Variants in COL23A1 observed in about 807,000 individuals in gnomAD.
The protein encoded by COL23A1 is collagen alpha-1(XXIII) chain.
COL23A1 carries 97 observed loss-of-function variants against 99.3 expected under a neutral mutation model. The observed-to-expected ratio is 0.98, with a 90% CI of 0.83 to 1.16. The LOEUF is 1.16. COL23A1 is among the 50% of genes most tolerant of loss of function. COL23A1 has a pLI of 0.00. For missense variants in COL23A1, 762 were observed against 757.4 expected, an observed-to-expected ratio of 1.01 and a Z score of -0.07; for synonymous variants, 320 against 308.2, an observed-to-expected ratio of 1.04 and a Z score of -0.40.
chr5:178,356,597 A>C (rs953998247), intron 2 of COL23A1, among the ~76,000 whole-genome samples: 1 of 150,940 alleles, frequency 6.6e-6, no homozygotes, highest in African/African-American at 2.4e-5. Flanking sequence ...GCAAAGGGTT[A>C]AGGGAGAGAA....
intron 2 of COL23A1, among the ~76,000 whole-genome samples, chr5:178,383,833 G>A (rs1337217271): frequency 5.3e-5 from 8 of 151,322 alleles, no homozygotes; most frequent in East Asian, 1.9e-4. Context: ...TCACCTCCCC[G>A]TGGCCTCACG....
intron 2 of COL23A1, among the ~76,000 whole-genome samples, chr5:178,382,422 CCCT>C (rs35412754): frequency 0.1 from 15,798 of 152,150 alleles, 935 homozygotes; most frequent in South Asian, 0.21. Context: ...CGCCCCTTCG[CCCT>C]CCTCCTCCTC....
chr5:178,572,054 C>T (rs262068), intron 1 of COL23A1, among the ~76,000 whole-genome samples: 1,907 of 105,256 alleles, frequency 0.018, 62 homozygotes, highest in African/African-American at 0.087. Context: ...GGTGACAGAG[C>T]GAGACTCTTT....
chr5:178,279,848 C>A (rs1353244737), intron 5 of COL23A1, among the ~76,000 whole-genome samples: 1 of 152,216 alleles, frequency 6.6e-6, no homozygotes, highest in Non-Finnish European at 1.5e-5. Context: ...TGCCCCTGAC[C>A]CCCACCAGGC....
At chr5:178,517,115 C>T (rs774480649) in intron 2 of COL23A1, among the ~76,000 whole-genome samples, 23 of 152,176 alleles carry the variant, frequency 1.5e-4, no homozygotes, top group Non-Finnish European at 3.1e-4. Context: ...AAGAAACAGA[C>T]AGAAGTGCCC....
At chr5:178,420,523 C>G (rs568167373) in intron 2 of COL23A1, among the ~76,000 whole-genome samples, 7 of 83,168 alleles carry the variant, frequency 8.4e-5, no homozygotes, top group Non-Finnish European at 1.8e-4. Flanking sequence ...CCTCTCCTCC[C>G]CCTCCTCACT....
At chr5:178,254,288 C>T (rs529623479) in intron 16 of COL23A1, among the ~76,000 whole-genome samples, 16 of 152,302 alleles carry the variant, frequency 1.1e-4, no homozygotes, top group African/African-American at 3.1e-4. Flanking sequence ...CACCACGCCA[C>T]GCCACGCCAC....
At chr5:178,447,096 T>C (rs1767201074) in intron 2 of COL23A1, among the ~76,000 whole-genome samples, 1 of 140,396 alleles carries the variant, frequency 7.1e-6, no homozygotes, top group South Asian at 2.2e-4. Context: ...TTTTTTATTA[T>C]TATTTTTTTT....
chr5:178,451,731 T>A (rs1311225972), intron 2 of COL23A1, among the ~76,000 whole-genome samples: 1 of 151,176 alleles, frequency 6.6e-6, no homozygotes, highest in African/African-American at 2.4e-5. Flanking sequence ...AGTGATTAGA[T>A]CTAAAGAAAG....
At chr5:178,304,845 T>A (rs182688675) in intron 3 of COL23A1, among the ~76,000 whole-genome samples, 1 of 152,274 alleles carries the variant, frequency 6.6e-6, no homozygotes, top group Admixed American at 6.5e-5. Context: ...TATAATAACA[T>A]ATTCTTATCT....
At chr5:178,383,048 T>C (rs1175581202) in intron 2 of COL23A1, among the ~76,000 whole-genome samples, 1 of 151,994 alleles carries the variant, frequency 6.6e-6, no homozygotes, top group Admixed American at 6.5e-5. Context: ...GGGGTGTCTG[T>C]GATCAGGGCT....
chr5:178,422,251 C>T (rs1765673148), intron 2 of COL23A1, among the ~76,000 whole-genome samples: 2 of 152,098 alleles, frequency 1.3e-5, no homozygotes, highest in Non-Finnish European at 2.9e-5. Context: ...AGGGACTCAC[C>T]CAGCACCCAG....
intron 2 of COL23A1, among the ~76,000 whole-genome samples, chr5:178,453,307 A>T (rs547740314): frequency 1.1e-4 from 16 of 152,214 alleles, no homozygotes; most frequent in Admixed American, 2.0e-4. Flanking sequence ...TACACAGTGC[A>T]GCCTACTCTA....
chr5:178,379,554 C>T (rs542900269), intron 2 of COL23A1, among the ~76,000 whole-genome samples: 1 of 152,076 alleles, frequency 6.6e-6, no homozygotes, highest in South Asian at 2.1e-4. Flanking sequence ...CATGTATTAC[C>T]CCTGTAATTA....
intron 2 of COL23A1, among the ~76,000 whole-genome samples, chr5:178,485,718 G>A (rs1228060351): frequency 6.9e-6 from 1 of 145,142 alleles, no homozygotes; most frequent in Non-Finnish European, 1.5e-5. Flanking sequence ...GGAGGTGGAG[G>A]TTGCAGTGAG....
rs1390641734 is a variant in COL23A1, at chr5:178,498,244, AT to A, written c.361+62437del. Reference sequence around the variant, plus strand: ...TATATATATATATATATATATATATATATATATATATATAAAAGAACTTAAA... The same window carrying A: ...TATATATATATATATATATATATATAATATATATATATAAAAGAACTTAAA... On this transcript the variant is annotated intron_variant, in intron 2 of 28. Transcript: ENST00000390654. Among the ~76,000 whole-genome samples, 60 of 71,210 alleles carry A rather than the reference AT, an allele frequency of 8.4e-4. 2 individuals are homozygous for A. Among genetic ancestry groups the A allele is most frequent in the African/African-American group, 4.6e-3 (51 of 11,170 alleles). The allele number at this position is 71,210 out of a possible 152,430, so 46.7% of individuals were successfully genotyped here.
At chr5:178,402,952 C>G (rs2127767174) in intron 2 of COL23A1, among the ~76,000 whole-genome samples, 1 of 151,004 alleles carries the variant, frequency 6.6e-6, no homozygotes, top group African/African-American at 2.4e-5. Flanking sequence ...ACTATTTACT[C>G]AAAAAATTAG....
intron 2 of COL23A1, among the ~76,000 whole-genome samples, chr5:178,381,119 G>C (rs10038656): frequency 0.019 from 2,910 of 152,344 alleles, 100 homozygotes; most frequent in African/African-American, 0.066. Context: ...GAAGTGGAGT[G>C]GGGTTCTGCC....
intron 2 of COL23A1, among the ~76,000 whole-genome samples, chr5:178,514,107 T>C (rs1318066110): frequency 6.6e-6 from 1 of 152,184 alleles, no homozygotes; most frequent in Admixed American, 6.5e-5. Context: ...TTCCACTTTC[T>C]GTCTTGATGA....
Sources: allele counts gnomAD v4.1 joint callset (sites outside exome capture counted in the v4.1 genomes callset), GRCh38; gene constraint gnomAD v4.1.1; transcripts MANE v1.5; gene names NCBI Gene and HGNC (gene_info 2026-07-23, HGNC 2026-07-21).